Variants in SUGCT observed in about 807,000 individuals in gnomAD.
The protein encoded by SUGCT is succinyl-CoA:glutarate CoA-transferase.
A neutral mutation model predicts 55.0 loss-of-function variants in SUGCT; 41 were observed. The ratio of observed to expected loss-of-function variants is 0.74; its 90% CI spans 0.58 to 0.97. The LOEUF is 0.97. Among genes scored for constraint, SUGCT ranks in the 50% least tolerant of loss-of-function variants. The pLI, the probability that SUGCT is intolerant of heterozygous loss-of-function variation, is 0.00. For synonymous variants in SUGCT, 187 were observed against 200.4 expected, an observed-to-expected ratio of 0.93 and a Z score of 0.56; for missense variants, 568 against 547.8, an observed-to-expected ratio of 1.04 and a Z score of -0.37.
chr7:40,798,221 G>A (rs1372337689), intron 13 of SUGCT, among the ~76,000 whole-genome samples: 1 of 152,076 alleles, frequency 6.6e-6, no homozygotes, highest in Non-Finnish European at 1.5e-5. Context: ...CTTGACTGTA[G>A]GCTCATATTT....
At chr7:40,867,097 C>T in the SUGCT span, among the ~76,000 whole-genome samples, 4 of 150,008 alleles carry the variant, frequency 2.7e-5, no homozygotes, top group African/African-American at 9.8e-5. Flanking sequence ...ATTTACAAGA[C>T]GCATCCATGT....
intron 13 of SUGCT, among the ~76,000 whole-genome samples, chr7:40,851,610 A>C (rs1013398228): frequency 6.6e-6 from 1 of 152,150 alleles, no homozygotes; most frequent in East Asian, 1.9e-4. Flanking sequence ...CCGCTCTAGA[A>C]CCATCCCTTA....
chr7:40,771,336 T>C (rs1429008224), intron 13 of SUGCT, among the ~76,000 whole-genome samples: 7 of 152,220 alleles, frequency 4.6e-5, no homozygotes, highest in Non-Finnish European at 1.0e-4. Context: ...ATTATATCAG[T>C]AACTATAACA....
At chr7:40,763,241 A>G (rs1788624837) in intron 13 of SUGCT, among the ~76,000 whole-genome samples, 1 of 152,120 alleles carries the variant, frequency 6.6e-6, no homozygotes, top group Non-Finnish European at 1.5e-5. Context: ...GAGCCTGAAT[A>G]TGAATTAGGT....
the SUGCT span, among the ~76,000 whole-genome samples, chr7:41,013,743 C>T: frequency 6.8e-6 from 1 of 146,186 alleles, no homozygotes; most frequent in Admixed American, 6.7e-5. Flanking sequence ...AGTTGCTTTT[C>T]TTTCTTTCTT....
rs548621893 is a variant in SUGCT at position 40,803,602 on chromosome 7, T to A, written c.1153+54105T>A. On this transcript the variant is annotated intron_variant, in intron 13 of 13. Transcript: ENST00000335693. ...TCCATCCTCATGAAGGAAACAAGAG[T>A]TCACCACCCAAAATAATATTTTTGA... Among the ~76,000 whole-genome samples the A allele has an allele frequency of 2.0e-5, 3 of 152,176 alleles. No homozygotes were observed. The East Asian group carries it at 5.8e-4, about 29-fold the overall frequency.
intron 1 of SUGCT, among the ~76,000 whole-genome samples, chr7:40,155,613 C>T (rs1783849881): frequency 6.6e-6 from 1 of 152,100 alleles, no homozygotes; most frequent in African/African-American, 2.4e-5. Context: ...ACATTGTATA[C>T]AGAAGACATC....
chr7:40,790,414 A>T (rs376331263), intron 13 of SUGCT, among the ~76,000 whole-genome samples: 31 of 152,272 alleles, frequency 2.0e-4, no homozygotes, highest in East Asian at 1.5e-3. Flanking sequence ...TCCTTATTAA[A>T]TTATCCAGTC....
At chr7:40,817,549 C>A (rs1023410202) in intron 13 of SUGCT, among the ~76,000 whole-genome samples, 2 of 152,124 alleles carry the variant, frequency 1.3e-5, no homozygotes, top group Admixed American at 6.6e-5. Flanking sequence ...AGACAAAGAG[C>A]TATTTTATGC....
intron 13 of SUGCT, among the ~76,000 whole-genome samples, chr7:40,794,551 G>C (rs1790460198): frequency 6.6e-6 from 1 of 152,064 alleles, no homozygotes; most frequent in Non-Finnish European, 1.5e-5. Flanking sequence ...CCTTAAGCTA[G>C]GTTTTCTGTT....
chr7:40,649,694 A>G (rs942392205), intron 12 of SUGCT, among the ~76,000 whole-genome samples: 1 of 152,242 alleles, frequency 6.6e-6, no homozygotes, highest in Admixed American at 6.5e-5. Context: ...ATTAATATGT[A>G]TATGAGGCTC....
rs1788980793 is a variant in SUGCT, at chr7:40,235,841, G to A, written c.485-1794G>A. On this transcript the variant is annotated intron_variant, in intron 6 of 13. Coordinates refer to ENST00000335693, the MANE Select transcript of SUGCT (RefSeq NM_001193313.2). ...TGCTGTGGCAACATATATAATGAGGGTGCTCTTTTACAAAAGGTTGAGGGA... is the reference window on the plus strand; with the variant it reads ...TGCTGTGGCAACATATATAATGAGGATGCTCTTTTACAAAAGGTTGAGGGA... Among the ~76,000 whole-genome samples the A allele has an allele frequency of 3.9e-5, 6 of 152,184 alleles. No homozygotes were observed. In the South Asian group the frequency reaches 1.2e-3, roughly 32 times the overall value.
At chr7:40,613,500 T>G (rs1798857581) in intron 12 of SUGCT, among the ~76,000 whole-genome samples, 1 of 152,236 alleles carries the variant, frequency 6.6e-6, no homozygotes, top group South Asian at 2.1e-4. Context: ...TTCTTGACAT[T>G]AGTTTTCCTC....
intron 13 of SUGCT, among the ~76,000 whole-genome samples, chr7:40,756,085 CTA>C (rs1280835000): frequency 2.0e-5 from 3 of 152,098 alleles, no homozygotes; most frequent in Non-Finnish European, 2.9e-5. Context: ...ATGTACTCCT[CTA>C]TTTTATTATC....
chr7:40,501,102 A>T (rs1792259035), intron 12 of SUGCT, among the ~76,000 whole-genome samples: 1 of 152,192 alleles, frequency 6.6e-6, no homozygotes, highest in Admixed American at 6.5e-5. Flanking sequence ...GTTGGTAAAG[A>T]TCTGATGTAA....
At chr7:40,630,719 C>T (rs1048672390) in intron 12 of SUGCT, among the ~76,000 whole-genome samples, 1 of 152,062 alleles carries the variant, frequency 6.6e-6, no homozygotes, top group South Asian at 2.1e-4. Context: ...CTCCTGTCCC[C>T]CAAAAGGGCT....
chr7:40,184,124 G>A (rs971197509), intron 3 of SUGCT, among the ~76,000 whole-genome samples: 1 of 152,020 alleles, frequency 6.6e-6, no homozygotes, highest in Non-Finnish European at 1.5e-5. Context: ...GCAGTGAGTC[G>A]AGACCATGCC....
At chr7:40,994,775 C>T in the SUGCT span, among the ~76,000 whole-genome samples, 41 of 152,250 alleles carry the variant, frequency 2.7e-4, no homozygotes, top group African/African-American at 8.7e-4. Context: ...AATGGCTTAC[C>T]ACCATCCCTT....
At chr7:40,926,082 C>T in the SUGCT span, among the ~76,000 whole-genome samples, 42 of 151,656 alleles carry the variant, frequency 2.8e-4, no homozygotes, top group East Asian at 4.3e-3. Context: ...GCCTGGGTGA[C>T]AGAGCAAGTT....
Sources: allele counts gnomAD v4.1 joint callset (sites outside exome capture counted in the v4.1 genomes callset), GRCh38; gene constraint gnomAD v4.1.1; transcripts MANE v1.5; gene names NCBI Gene and HGNC (gene_info 2026-07-23, HGNC 2026-07-21).